The following CENPC variants were observed in gnomAD, a reference collection of about 807,000 sequenced individuals.
CENPC encodes the protein CENP-C 1.
CENPC carries 63 observed loss-of-function variants against 112.1 expected under a neutral mutation model. The observed-to-expected ratio is 0.56, with a 90% CI of 0.46 to 0.69. The LOEUF (loss-of-function observed/expected upper bound fraction) is 0.69, where lower values mean the gene tolerates loss of function less well. CENPC is among the 30% of genes least tolerant of loss of function. The pLI, the probability that CENPC is intolerant of heterozygous loss-of-function variation, is 0.00. For missense variants in CENPC, 1,000 were observed against 1,103.8 expected, an observed-to-expected ratio of 0.91 and a Z score of 1.33; for synonymous variants, 333 against 367.6, an observed-to-expected ratio of 0.91 and a Z score of 1.08.
At chr4:67,505,130 A>G in intron 12 of CENPC, 75 bp downstream of exon 12, 1 of 1,052,132 alleles carries the variant, frequency 9.5e-7, no homozygotes, top group Non-Finnish European at 1.4e-6. Context: ...GTGACAATGT[A>G]AACAAAACAT....
At position 67,471,100 on chromosome 4, in the gene CENPC, T is replaced by C. The variant is rs1352571709; in HGVS notation, c.*1505A>G. Reference sequence around the variant, plus strand: ...CCCACACAGAACAACCAACAGTGGGTGGAAGGCTTATAGACTCAAGTGTTT... The same window carrying C: ...CCCACACAGAACAACCAACAGTGGGCGGAAGGCTTATAGACTCAAGTGTTT... On this transcript the variant is annotated 3_prime_UTR_variant, in exon 19 of 19. Coordinates refer to ENST00000273853, the MANE Select transcript of CENPC (RefSeq NM_001812.4). 6.6e-6 allele frequency: 1 copy of C among 152,186 alleles called. No individual in the cohort carries two copies. The highest frequency in any genetic ancestry group is 1.5e-5 in the Non-Finnish European group (1 of 68,042). The allele number at this position is 152,186 out of a possible 1,614,324, so 9.4% of individuals were successfully genotyped here. A position where few individuals can be genotyped will look rare whatever the true frequency, so the allele number is the denominator to read the frequency against.
intron 3 of CENPC, among the ~76,000 whole-genome samples, chr4:67,540,664 T>C (rs1726861554): frequency 6.6e-6 from 1 of 152,198 alleles, no homozygotes; most frequent in African/African-American, 2.4e-5. Context: ...CGCAGGACTA[T>C]GTCTCAATAA....
chr4:67,491,480 T>TATATATAGAGAGAG (rs1725270093), intron 16 of CENPC, among the ~76,000 whole-genome samples: 1 of 18,102 alleles, frequency 5.5e-5, no homozygotes, highest in Non-Finnish European at 1.0e-4. Context: ...TATATATATA[T>TATATATAGAGAGAG]AGAGAGAGAG....
intron 12 of CENPC, among the ~76,000 whole-genome samples, chr4:67,497,801 GC>G (rs1725479260): frequency 2.8e-4 from 7 of 24,928 alleles, no homozygotes; most frequent in Non-Finnish European, 5.6e-4. Context: ...GTGTTGGGTG[GC>G]TCCCAAAGTG....
chr4:67,534,010 C>T (rs1726637227), intron 4 of CENPC, among the ~76,000 whole-genome samples: 1 of 152,002 alleles, frequency 6.6e-6, no homozygotes, highest in African/African-American at 2.4e-5. Flanking sequence ...TGCACTCCAG[C>T]AACAGAGCAA....
chr4:67,502,256 A>G (rs1725610682), intron 12 of CENPC, among the ~76,000 whole-genome samples: 1 of 148,956 alleles, frequency 6.7e-6, no homozygotes, highest in Admixed American at 6.6e-5. Context: ...AAGAAGTAAC[A>G]AGTATATCTG....
At chr4:67,505,883 T>A (rs1358167854) in intron 11 of CENPC, among the ~76,000 whole-genome samples, 1 of 151,954 alleles carries the variant, frequency 6.6e-6, no homozygotes, top group Non-Finnish European at 1.5e-5. Context: ...AATGATAACA[T>A]CCTGTGGTGA....
chr4:67,532,140 G>GA (rs1418000625), intron 4 of CENPC, among the ~76,000 whole-genome samples: 1 of 152,168 alleles, frequency 6.6e-6, no homozygotes, highest in African/African-American at 2.4e-5. Context: ...ACGGACACAT[G>GA]AAAAAATGCT....
intron 12 of CENPC, among the ~76,000 whole-genome samples, chr4:67,502,904 C>T (rs1486056785): frequency 6.6e-6 from 1 of 152,148 alleles, no homozygotes; most frequent in Non-Finnish European, 1.5e-5. Context: ...CCTCCTCCTG[C>T]TTTCCACTTT....
chr4:67,532,396 G>A (rs1726581246), intron 4 of CENPC, among the ~76,000 whole-genome samples: 1 of 152,082 alleles, frequency 6.6e-6, no homozygotes, highest in Non-Finnish European at 1.5e-5. Context: ...CCCATTACTG[G>A]GCATACATCC....
chr4:67,483,775 T>A (rs1356065639), intron 17 of CENPC, among the ~76,000 whole-genome samples: 1 of 152,020 alleles, frequency 6.6e-6, no homozygotes, highest in Non-Finnish European at 1.5e-5. Flanking sequence ...CAAAAAAGTT[T>A]TAAAAGTTAA....
chr4:67,542,817 C>T (rs1218459413), intron 2 of CENPC, among the ~76,000 whole-genome samples: 2 of 152,122 alleles, frequency 1.3e-5, no homozygotes, highest in African/African-American at 4.8e-5. Context: ...CCTACAGGTG[C>T]ACATATTGCA....
intron 5 of CENPC, among the ~76,000 whole-genome samples, chr4:67,521,929 T>C (rs1345104089): frequency 6.6e-6 from 1 of 152,142 alleles, no homozygotes; most frequent in Non-Finnish European, 1.5e-5. Context: ...TTGCCAGGGC[T>C]AATGGAAAAA....
At chr4:67,506,683 T>G in intron 11 of CENPC, 105 bp downstream of exon 11, 1 of 924,006 alleles carries the variant, frequency 1.1e-6, no homozygotes, top group Non-Finnish European at 1.5e-6. Flanking sequence ...AAACAATAAG[T>G]GTTTTTAAGC....
chr4:67,545,446 G>T lies in CENPC; in HGVS notation c.-91C>A. 1 of 1,344,360 alleles carries T rather than the reference G, an allele frequency of 7.4e-7. No individual in the cohort carries two copies. The highest frequency in any genetic ancestry group is 9.9e-7 in the Non-Finnish European group (1 of 1,014,252). 83.3% of individuals were successfully genotyped at this position (1,344,360 alleles called of 1,614,324 possible). A position where few individuals can be genotyped will look rare whatever the true frequency, so the allele number is the denominator to read the frequency against. ...AAGCCGAGCAAGAAACGAATCGCCG[G>T]AATACCAGGCCGCGGCCAAGCAATA... On this transcript the variant is annotated 5_prime_UTR_variant, in exon 1 of 19. Coordinates refer to ENST00000273853, the MANE Select transcript of CENPC (RefSeq NM_001812.4).
At chr4:67,540,322 A>G (rs372680292) in intron 3 of CENPC, among the ~76,000 whole-genome samples, 1 of 152,320 alleles carries the variant, frequency 6.6e-6, no homozygotes, top group East Asian at 1.9e-4. Flanking sequence ...ATCACCAAAG[A>G]TTATCTCAAA....
In CENPC at chr4:67,545,405, G is replaced by A. The variant is rs373778301; in HGVS notation, c.-50C>T. 148 of 1,469,180 alleles carry A rather than the reference G, an allele frequency of 1.0e-4. No homozygotes were observed. Among genetic ancestry groups the A allele is most frequent in the Non-Finnish European group, 1.3e-4 (139 of 1,105,794 alleles). 91.0% of individuals were successfully genotyped at this position (1,469,180 alleles called of 1,614,324 possible). ...AACTGTCTGAGGTGGAAGCCCACAC[G>A]GACCACAGCTCCAGGAAGCCGAGCA... is the stretch of plus-strand genomic sequence containing the variant. On this transcript the variant is annotated 5_prime_UTR_variant, in exon 1 of 19. Coordinates refer to ENST00000273853, the MANE Select transcript of CENPC (RefSeq NM_001812.4).
At chr4:67,511,298 A>G (rs1429504175) in intron 9 of CENPC, among the ~76,000 whole-genome samples, 1 of 152,162 alleles carries the variant, frequency 6.6e-6, no homozygotes, top group Non-Finnish European at 1.5e-5. Context: ...AATTCATAGC[A>G]ATAAGGCCTC....
chr4:67,477,163 G>A (rs527966766), intron 17 of CENPC, among the ~76,000 whole-genome samples: 21 of 152,102 alleles, frequency 1.4e-4, no homozygotes, highest in African/African-American at 5.1e-4. Flanking sequence ...GGCAACCTGT[G>A]GCAACCTTGT....
Sources: gnomAD v4.1 joint callset for allele counts (sites outside exome capture counted in the v4.1 genomes callset) on GRCh38, gnomAD v4.1.1 for gene constraint, MANE v1.5 for transcripts, NCBI Gene and HGNC (gene_info 2026-07-23, HGNC 2026-07-21) for gene names.